Variants in MYZAP observed in about 807,000 individuals in gnomAD.
MYZAP encodes myocardial zonula adherens protein, also known as GRINL1A complex locus upstream.
MYZAP carries 66 observed loss-of-function variants against 69.4 expected under a neutral mutation model. The ratio of observed to expected loss-of-function variants is 0.95; its 90% confidence interval spans 0.78 to 1.17. The LOEUF is 1.17. Among genes scored for constraint, MYZAP ranks in the 50% most tolerant of loss-of-function variants. The probability of loss-of-function intolerance (pLI) is 0.00; values close to 1 mark genes in which losing one functional copy is unlikely to be tolerated. For synonymous variants in MYZAP, 256 were observed against 205.9 expected (o/e 1.24, Z -2.09); for missense variants, 611 against 556.2 (o/e 1.10, Z -0.99).
chr15:57,626,497 CT>C (rs1423469663), intron 5 of MYZAP, among the ~76,000 whole-genome samples: 2 of 152,302 alleles, frequency 1.3e-5, no homozygotes, highest in East Asian at 3.9e-4. Flanking sequence ...GGAGCTAACC[CT>C]TCAAGTGCTT....
At chr15:57,651,397 A>G (rs2037719480) in intron 10 of MYZAP, among the ~76,000 whole-genome samples, 2 of 152,158 alleles carry the variant, frequency 1.3e-5, no homozygotes, top group African/African-American at 4.8e-5. Context: ...CTCTTGAATC[A>G]TAGAGGGAAA....
At chr15:57,645,733 C>T (rs916928813) in intron 10 of MYZAP, among the ~76,000 whole-genome samples, 9 of 152,172 alleles carry the variant, frequency 5.9e-5, no homozygotes, top group Non-Finnish European at 1.0e-4. Context: ...GAGCAATGCA[C>T]GGGGCTGCCC....
chr15:57,607,718 C>A (rs1413138051), intron 2 of MYZAP, among the ~76,000 whole-genome samples: 1 of 152,220 alleles, frequency 6.6e-6, no homozygotes, highest in Non-Finnish European at 1.5e-5. Context: ...TGGTGACTCA[C>A]TGCAGAAGAA....
chr15:57,625,631 T>G, intron 4 of MYZAP, 148 bp from the exon 5 acceptor site: 1 of 715,870 alleles, frequency 1.4e-6, no homozygotes. Flanking sequence ...CTCTGGATCA[T>G]GCAGATGTTG....
chr15:57,645,302 T>A (rs1467480879), intron 10 of MYZAP, among the ~76,000 whole-genome samples: 1 of 152,182 alleles, frequency 6.6e-6, no homozygotes, highest in Admixed American at 6.5e-5. Context: ...GAATAACAGA[T>A]GAGTAAGAAC....
chr15:57,605,456 T>C (rs767878550), intron 2 of MYZAP, among the ~76,000 whole-genome samples: 3 of 152,198 alleles, frequency 2.0e-5, no homozygotes, highest in Non-Finnish European at 4.4e-5. Context: ...GCTTTAGAGT[T>C]AACCACTAAT....
At chr15:57,654,182 C>T (rs893746624) in intron 10 of MYZAP, among the ~76,000 whole-genome samples, 18 of 151,982 alleles carry the variant, frequency 1.2e-4, no homozygotes, top group Non-Finnish European at 1.0e-4. Flanking sequence ...AGCCTAATGG[C>T]CTCCCAATTA....
chr15:57,684,522 A>C lies in MYZAP; in HGVS notation c.*24A>C. 2.1e-6 allele frequency: 3 copies of C among 1,457,390 alleles called. No homozygotes were observed. The highest frequency in any genetic ancestry group is 2.9e-6 in the Non-Finnish European group (3 of 1,047,194). 90.3% of individuals were successfully genotyped at this position (1,457,390 alleles called of 1,614,324 possible). ...AGGCACTCAGAGGCATACACTTTTT[A>C]CAGATGGACAAAAGCTCTGGAACCC... On this transcript the variant is annotated 3_prime_UTR_variant, in exon 13 of 13. Transcript: ENST00000267853.
intron 12 of MYZAP, among the ~76,000 whole-genome samples, chr15:57,679,004 C>A (rs1170581835): frequency 6.6e-6 from 1 of 152,068 alleles, no homozygotes; most frequent in African/African-American, 2.4e-5. Flanking sequence ...TGGAGAAACC[C>A]CGTCTCTACT....
At chr15:57,684,276 G>A in intron 12 of MYZAP, 126 bp from the exon 13 acceptor site, 1 of 660,456 alleles carries the variant, frequency 1.5e-6, no homozygotes, top group Non-Finnish European at 2.7e-6. Flanking sequence ...GAAATATTAA[G>A]CTGCATTATT....
At chr15:57,648,072 A>C in intron 10 of MYZAP, 10 of 982,966 alleles carry the variant, frequency 1.0e-5, no homozygotes, top group Non-Finnish European at 1.2e-5. Flanking sequence ...ATTGTGAATG[A>C]CAATGTTATA....
chr15:57,632,254 T>C (rs1010041326), intron 6 of MYZAP, among the ~76,000 whole-genome samples, 180 bp from the exon 7 acceptor site: 13 of 152,240 alleles, frequency 8.5e-5, no homozygotes, highest in Admixed American at 2.6e-4. Flanking sequence ...TTTATTTTTC[T>C]GTGGCTCTGC....
chr15:57,665,923 A>G (rs1363023261), intron 11 of MYZAP, among the ~76,000 whole-genome samples: 2 of 152,236 alleles, frequency 1.3e-5, no homozygotes, highest in Admixed American at 1.3e-4. Context: ...GCTTACAAGC[A>G]GAGTAACTCT....
chr15:57,606,248 C>T (rs905990537), intron 2 of MYZAP, among the ~76,000 whole-genome samples: 9 of 152,108 alleles, frequency 5.9e-5, no homozygotes, highest in Non-Finnish European at 1.3e-4. Context: ...AATAGTGGAA[C>T]GAGCTGATGT....
intron 1 of MYZAP, among the ~76,000 whole-genome samples, chr15:57,603,429 A>G (rs1275546403): frequency 1.3e-5 from 2 of 152,096 alleles, no homozygotes; most frequent in Non-Finnish European, 2.9e-5. Context: ...ACCACCATCT[A>G]TCTCGAGGAT....
chr15:57,593,214 A>ACACACACACACACACACACACACACAC (rs1172761785), intron 1 of MYZAP, among the ~76,000 whole-genome samples: 1 of 141,346 alleles, frequency 7.1e-6, no homozygotes. Context: ...ACACACACAC[A>ACACACACACACACACACACACACACAC]CCCCAGAATC....
At position 57,632,434 on chromosome 15, in the gene MYZAP, G is replaced by A. The variant is rs2036560772; in HGVS notation, c.679G>A (p.Val227Met). Residue 227 changes from valine to methionine, a missense_variant and splice_region_variant, in exon 7 of 13, where the codon GTG becomes ATG. Val to Met is a conservative substitution (Grantham distance 21). Transcript: ENST00000267853. ...CGTTCTGAAATGAGTCTCGTTGTAG[G>A]TGGAATCGTCCCAAGAAGCCAATGC... ...QVENQLLKMK[V>M]ESSQEANAEV... 2 of 1,614,118 alleles carry A rather than the reference G, an allele frequency of 1.2e-6. No individual in the cohort carries two copies. Among genetic ancestry groups the A allele is most frequent in the South Asian group, 1.1e-5 (1 of 91,072 alleles).
chr15:57,632,287 C>A, intron 6 of MYZAP, 147 bp from the exon 7 acceptor site: 1 of 1,330,466 alleles, frequency 7.5e-7, no homozygotes. Flanking sequence ...CTCCCTTTCC[C>A]TGTTAGGTCT....
chr15:57,601,292 G>GTA (rs1555455499), intron 1 of MYZAP, among the ~76,000 whole-genome samples: 1 of 151,684 alleles, frequency 6.6e-6, no homozygotes, highest in African/African-American at 2.4e-5. Context: ...GTGTGTGTGT[G>GTA]TGTGTGTGAT....
Sources: allele counts gnomAD v4.1 joint callset (sites outside exome capture counted in the v4.1 genomes callset), GRCh38; gene constraint gnomAD v4.1.1; transcripts MANE v1.5; gene names NCBI Gene and HGNC (gene_info 2026-07-23, HGNC 2026-07-21).